The following ADD2 variants were observed in gnomAD, a reference collection of about 807,000 sequenced individuals.
ADD2 encodes beta-adducin.
Under a neutral mutation model 83.0 loss-of-function variants are expected in ADD2, and 23 were observed. The observed-to-expected ratio is 0.28, with a 90% confidence interval of 0.20 to 0.39. ADD2 has a LOEUF of 0.39. ADD2 is among the 10% of genes least tolerant of loss of function. The pLI is 1.00. For synonymous variants in ADD2, 375 were observed against 375.4 expected, an observed-to-expected ratio of 1.00 and a Z score of 0.01; for missense variants, 758 against 944.9, an observed-to-expected ratio of 0.80 and a Z score of 2.59.
intron 4 of ADD2, 50 bp downstream of exon 4, chr2:70,704,271 C>CCCCCCCCCCCCCCCCA: frequency 1.6e-6 from 2 of 1,279,030 alleles, no homozygotes; most frequent in Non-Finnish European, 2.2e-6. Context: ...CTTCCCCACC[C>CCCCCCCCCCCCCCCCA]CACCCTCCCC....
chr2:70,704,263 T>TTCC, intron 4 of ADD2, 58 bp downstream of exon 4: 2 of 913,238 alleles, frequency 2.2e-6, no homozygotes, highest in South Asian at 1.5e-5. Flanking sequence ...CTCCCTCTCT[T>TTCC]CCCCACCCCA....
chr2:70,730,303 G>T (rs143484383), intron 1 of ADD2, among the ~76,000 whole-genome samples: 1 of 152,166 alleles, frequency 6.6e-6, no homozygotes, highest in African/African-American at 2.4e-5. Flanking sequence ...ATACCACATC[G>T]GGCCTCTGCA....
intron 15 of ADD2, among the ~76,000 whole-genome samples, chr2:70,667,866 GCCTCA>G (rs1669714416): frequency 6.6e-6 from 1 of 152,140 alleles, no homozygotes; most frequent in Admixed American, 6.5e-5. Flanking sequence ...CGATCCACCA[GCCTCA>G]GCCTCCCAAA....
At chr2:70,763,425 CTG>C (rs782668605) in intron 1 of ADD2, among the ~76,000 whole-genome samples, 35 of 151,998 alleles carry the variant, frequency 2.3e-4, no homozygotes, top group Non-Finnish European at 5.0e-4. Flanking sequence ...TTCCAAGAAT[CTG>C]TGTGTGTCCC....
intron 15 of ADD2, 51 bp from the exon 16 acceptor site, chr2:70,663,786 C>G (rs782257567): frequency 6.4e-7 from 1 of 1,554,322 alleles, no homozygotes; most frequent in East Asian, 2.3e-5. Flanking sequence ...CAGGTGACAG[C>G]TTCCACCTGG....
intron 2 of ADD2, among the ~76,000 whole-genome samples, chr2:70,710,748 C>A (rs1232884820): frequency 6.6e-6 from 1 of 152,240 alleles, no homozygotes; most frequent in Non-Finnish European, 1.5e-5. Context: ...TCTGTGCCTC[C>A]GTTTCCCCAC....
At chr2:70,683,878 C>G (rs1458363127) in intron 9 of ADD2, 111 bp from the exon 10 acceptor site, 1 of 1,252,732 alleles carries the variant, frequency 8.0e-7, no homozygotes, top group African/African-American at 1.5e-5. Context: ...AACTTAGAGG[C>G]CAAACTGAGA....
intron 15 of ADD2, among the ~76,000 whole-genome samples, chr2:70,664,375 G>A (rs1167048365): frequency 6.6e-6 from 1 of 152,156 alleles, no homozygotes; most frequent in Admixed American, 6.5e-5. Context: ...CTGGGAATCT[G>A]TCGGGATCGC....
At chr2:70,691,217 C>T (rs1448118222) in intron 7 of ADD2, among the ~76,000 whole-genome samples, 1 of 152,168 alleles carries the variant, frequency 6.6e-6, no homozygotes, top group Non-Finnish European at 1.5e-5. Flanking sequence ...CCTATTGCTG[C>T]CCCTCCCACT....
intron 10 of ADD2, among the ~76,000 whole-genome samples, chr2:70,682,619 C>A (rs1228926793): frequency 6.6e-6 from 1 of 152,174 alleles, no homozygotes; most frequent in Non-Finnish European, 1.5e-5. Context: ...CTTCTCTGAG[C>A]AATCTAAGAA....
chr2:70,760,188 C>G (rs116078129), intron 1 of ADD2, among the ~76,000 whole-genome samples: 2,410 of 152,264 alleles, frequency 0.016, 67 homozygotes, highest in African/African-American at 0.055. Flanking sequence ...ATATTTAGGT[C>G]CATGGTGCCA....
At chr2:70,763,970 C>T (rs376583892) in intron 1 of ADD2, among the ~76,000 whole-genome samples, 1 of 150,918 alleles carries the variant, frequency 6.6e-6, no homozygotes, top group East Asian at 1.9e-4. Flanking sequence ...TCACTGCAAC[C>T]TCTGCCTCCA....
intron 6 of ADD2, 30 bp from the exon 7 acceptor site, chr2:70,692,582 C>T: frequency 6.4e-7 from 1 of 1,560,614 alleles, no homozygotes; most frequent in Non-Finnish European, 8.7e-7. Flanking sequence ...AGACTTATGG[C>T]AACAGGGTGG....
intron 4 of ADD2, among the ~76,000 whole-genome samples, chr2:70,702,668 C>T (rs1257883180): frequency 6.8e-6 from 1 of 146,162 alleles, no homozygotes; most frequent in Non-Finnish European, 1.5e-5. Flanking sequence ...AAAAAAATGC[C>T]ATGGACAAAA....
At chr2:70,666,365 A>G (rs76448550) in intron 15 of ADD2, among the ~76,000 whole-genome samples, 3,317 of 152,308 alleles carry the variant, frequency 0.022, 127 homozygotes, top group African/African-American at 0.074. Context: ...GGATCCACTC[A>G]TGTAAATGAA....
chr2:70,704,263 T>TTGGCCC, intron 4 of ADD2, 58 bp downstream of exon 4: 3 of 913,238 alleles, frequency 3.3e-6, no homozygotes, highest in Non-Finnish European at 5.1e-6. Flanking sequence ...CTCCCTCTCT[T>TTGGCCC]CCCCACCCCA....
At chr2:70,744,201 T>G (rs571089554) in intron 1 of ADD2, among the ~76,000 whole-genome samples, 29 of 152,326 alleles carry the variant, frequency 1.9e-4, no homozygotes, top group African/African-American at 7.0e-4. Flanking sequence ...ATAGATTAGA[T>G]AGTAGGATTG....
At chr2:70,707,096 G>A (rs891539219) in intron 2 of ADD2, among the ~76,000 whole-genome samples, 1 of 152,222 alleles carries the variant, frequency 6.6e-6, no homozygotes, top group Admixed American at 6.5e-5. Context: ...CTACTGAAAC[G>A]TGGGAAGCGC....
intron 1 of ADD2, among the ~76,000 whole-genome samples, chr2:70,726,059 C>T (rs1212593115): frequency 6.6e-6 from 1 of 151,308 alleles, no homozygotes; most frequent in Non-Finnish European, 1.5e-5. Flanking sequence ...TAGTGGCAGG[C>T]GCCTGTAGTC....
Sources: gnomAD v4.1 joint callset for allele counts (sites outside exome capture counted in the v4.1 genomes callset) on GRCh38, gnomAD v4.1.1 for gene constraint, MANE v1.5 for transcripts, NCBI Gene and HGNC (gene_info 2026-07-23, HGNC 2026-07-21) for gene names.